The following HCN2 variants were observed in gnomAD, a reference collection of about 807,000 sequenced individuals.
HCN2 encodes the protein hyperpolarization activated cyclic nucleotide gated potassium and sodium channel 2.
HCN2 carries 20 observed loss-of-function variants against 52.3 expected under a neutral mutation model. The ratio of observed to expected loss-of-function variants is 0.38; its 90% CI spans 0.27 to 0.56. The LOEUF (loss-of-function observed/expected upper bound fraction) is 0.56, where lower values mean the gene tolerates loss of function less well. Ranked by LOEUF, HCN2 falls within the 20% of genes least tolerant of loss-of-function variation. The pLI, the probability that HCN2 is intolerant of heterozygous loss-of-function variation, is 0.71. For missense variants in HCN2, 981 were observed against 1,207.7 expected (o/e 0.81, Z 2.78); for synonymous variants, 694 against 537.0 (o/e 1.29, Z -4.04).
chr19:611,778 C>G (rs1045563662), intron 5 of HCN2, among the ~76,000 whole-genome samples: 5 of 152,152 alleles, frequency 3.3e-5, no homozygotes, highest in African/African-American at 1.2e-4. Flanking sequence ...AGCTCACTCC[C>G]CGTCCCCAGC....
intron 2 of HCN2, among the ~76,000 whole-genome samples, 180 bp downstream of exon 2, chr19:604,147 T>G (rs1355533182): frequency 2.1e-5 from 1 of 46,734 alleles, no homozygotes; most frequent in African/African-American, 1.3e-4. Flanking sequence ...ATGGGAGATC[T>G]GGGTGGGGTC....
chr19:612,538 C>A (rs1355343594), intron 5 of HCN2, among the ~76,000 whole-genome samples: 2 of 151,898 alleles, frequency 1.3e-5, no homozygotes, highest in East Asian at 3.9e-4. Flanking sequence ...CTCAGCCTCC[C>A]GAGTAGCTGG....
At chr19:611,702 C>T (rs1342384730) in intron 5 of HCN2, among the ~76,000 whole-genome samples, 1 of 152,156 alleles carries the variant, frequency 6.6e-6, no homozygotes, top group African/African-American at 2.4e-5. Context: ...GTGCTGCACC[C>T]GATACCACAG....
intron 5 of HCN2, among the ~76,000 whole-genome samples, chr19:612,509 G>A (rs750308357): frequency 5.3e-5 from 8 of 151,774 alleles, no homozygotes; most frequent in African/African-American, 9.7e-5. Context: ...TCCTCCTCCC[G>A]GGTTCAAGAG....
rs370191613 is a variant in HCN2, at chr19:595,137, G to GGCTGCAGTGAGCTATGATCGTGCC, written c.632+4561_632+4584dup. Among the ~76,000 whole-genome samples the GGCTGCAGTGAGCTATGATCGTGCC allele has an allele frequency of 3.2e-3, 481 of 151,246 alleles. 1 individual carries two copies. The highest frequency in any genetic ancestry group is 0.011 in the African/African-American group (426 of 40,548). The stretch of plus-strand genomic sequence containing the variant: ...GGATCACCTGAGCCCAGGAGGTTGA[G>GGCTGCAGTGAGCTATGATCGTGCC]GCTGCAGTGAGCTATGATCGTGCCA... On this transcript the variant is annotated intron_variant, in intron 1 of 7. Transcript: ENST00000251287.
intron 1 of HCN2, among the ~76,000 whole-genome samples, chr19:594,491 C>G (rs901592191): frequency 2.0e-5 from 3 of 152,206 alleles, no homozygotes; most frequent in Non-Finnish European, 2.9e-5. Context: ...TCCCCAAAGC[C>G]AGGATCTGTT....
chr19:609,583 C>T lies in HCN2; in HGVS notation c.1438-676C>T, dbSNP rs143021363. Among the ~76,000 whole-genome samples the T allele has an allele frequency of 8.0e-3, 1,217 of 152,266 alleles. 15 individuals carry two copies. The highest frequency in any genetic ancestry group is 0.012 in the Admixed American group (180 of 15,286). The stretch of plus-strand genomic sequence containing the variant: ...GAGTTTAAGACCAGCCTGAGCAACA[C>T]GGCGAGACCTCATCGCTACAAAAAA... On this transcript the variant is annotated intron_variant, in intron 4 of 7. Coordinates refer to ENST00000251287, the MANE Select transcript of HCN2 (RefSeq NM_001194.4).
At chr19:595,699 C>T (rs943215038) in intron 1 of HCN2, among the ~76,000 whole-genome samples, 4 of 152,224 alleles carry the variant, frequency 2.6e-5, no homozygotes, top group Admixed American at 1.3e-4. Flanking sequence ...CGGTGAACAT[C>T]TGCCCCGTCG....
chr19:603,859 C>G lies in HCN2; in HGVS notation c.948C>G (p.Val316=). The G allele has an allele frequency of 6.2e-7, 1 of 1,612,622 alleles. No individual in the cohort carries two copies. Residue 316 remains valine, a synonymous_variant, in exon 2 of 8, where the codon GTC becomes GTG. Coordinates refer to ENST00000251287, the MANE Select transcript of HCN2 (RefSeq NM_001194.4). ...TGGAGAAGGGCATTGACTCCGAGGTCTACAAGACGGCACGCGCCCTGCGCA... is the reference window on the plus strand; with the variant it reads ...TGGAGAAGGGCATTGACTCCGAGGTGTACAAGACGGCACGCGCCCTGCGCA... The part of the protein sequence containing the change: ...LIVEKGIDSE[V]YKTARALRIV...
At chr19:615,767 G>A in intron 7 of HCN2, 28 bp from the exon 8 acceptor site, 4 of 1,608,280 alleles carry the variant, frequency 2.5e-6, no homozygotes, top group Non-Finnish European at 3.4e-6. Context: ...CGCTCCCTGT[G>A]CACACGCTAA....
At chr19:598,613 C>T (rs1018467423) in intron 1 of HCN2, among the ~76,000 whole-genome samples, 1 of 150,598 alleles carries the variant, frequency 6.6e-6, no homozygotes, top group African/African-American at 2.5e-5. Flanking sequence ...CCCTTCCCTT[C>T]TTTTTTGAGA....
chr19:594,392 C>T (rs972877246), intron 1 of HCN2, among the ~76,000 whole-genome samples: 27 of 152,294 alleles, frequency 1.8e-4, no homozygotes, highest in Admixed American at 1.1e-3. Context: ...GCCGCCCTGC[C>T]GTCTCCTGCT....
At chr19:608,897 CCTAGG>C (rs1261382799) in intron 4 of HCN2, among the ~76,000 whole-genome samples, 6 of 152,286 alleles carry the variant, frequency 3.9e-5, no homozygotes, top group African/African-American at 1.4e-4. Context: ...TTGGGTTAAT[CCTAGG>C]CTTGGCAGTG....
rs758818631 is a variant in HCN2 at position 613,343 on chromosome 19, C to T, written c.1680C>T (p.Leu560=). ...PNFVTAMLTK[L]KFEVFQPGDY... ...TCGTCACGGCCATGCTGACCAAGCTCAAGTTCGAGGTCTTCCAGCCGGGTG... is the reference window on the plus strand; with the variant it reads ...TCGTCACGGCCATGCTGACCAAGCTTAAGTTCGAGGTCTTCCAGCCGGGTG... Residue 560 remains leucine, a synonymous_variant, in exon 6 of 8, where the codon CTC becomes CTT. Transcript: ENST00000251287. The T allele has an allele frequency of 1.2e-6, 2 of 1,613,076 alleles. No homozygotes were observed. Among genetic ancestry groups the T allele is most frequent in the Non-Finnish European group, 1.7e-6 (2 of 1,179,922 alleles).
chr19:612,506 C>T (rs1421228974), intron 5 of HCN2, among the ~76,000 whole-genome samples: 2 of 151,884 alleles, frequency 1.3e-5, no homozygotes, highest in Non-Finnish European at 2.9e-5. Flanking sequence ...ACCTCCTCCT[C>T]CCGGGTTCAA....
chr19:610,555 T>TC, intron 5 of HCN2, 150 bp downstream of exon 5: 2 of 656,240 alleles, frequency 3.0e-6, no homozygotes, highest in South Asian at 1.9e-5. Context: ...CACCCTCCCC[T>TC]CCCCGCCCCG....
At chr19:608,241 G>A in intron 4 of HCN2, 59 bp downstream of exon 4, 1 of 1,497,794 alleles carries the variant, frequency 6.7e-7, no homozygotes, top group Non-Finnish European at 9.3e-7. Flanking sequence ...CTGGATCTGG[G>A]GTCTGAGAGA....
At chr19:613,009 C>T (rs1419014345) in intron 5 of HCN2, among the ~76,000 whole-genome samples, 5 of 152,236 alleles carry the variant, frequency 3.3e-5, no homozygotes, top group African/African-American at 9.6e-5. Flanking sequence ...CTACAGCCGC[C>T]CCTCCTGGTC....
rs1430860305 is a variant in HCN2, at chr19:592,792, CCTG to C, written c.632+2219_632+2221del. Among the ~76,000 whole-genome samples, 1 of 152,154 alleles carries C rather than the reference CCTG, an allele frequency of 6.6e-6. No individual in the cohort carries two copies. The highest frequency in any genetic ancestry group is 1.5e-5 in the Non-Finnish European group (1 of 68,000). On this transcript the variant is annotated intron_variant, in intron 1 of 7. Coordinates refer to ENST00000251287, the MANE Select transcript of HCN2 (RefSeq NM_001194.4). The surrounding 1 kb of genome is among the most constrained non-coding windows in gnomAD (Gnocchi z 4.8). Reference sequence around the variant, plus strand: ...AAGCTCCCTAAGCAGGCGGCCGGACCCTGCTGTGGAGGGTGTTTTGGGGCAGCC... The same window carrying C: ...AAGCTCCCTAAGCAGGCGGCCGGACCCTGTGGAGGGTGTTTTGGGGCAGCC...
Sources: allele counts gnomAD v4.1 joint callset (sites outside exome capture counted in the v4.1 genomes callset), GRCh38; gene constraint gnomAD v4.1.1; non-coding constraint Gnocchi (gnomAD v3.1); transcripts MANE v1.5; gene names NCBI Gene and HGNC (gene_info 2026-07-23, HGNC 2026-07-21).